The following PDE9A variants were observed in gnomAD, a reference collection of about 807,000 sequenced individuals.
PDE9A encodes the protein phosphodiesterase 9A, also known as high affinity cGMP-specific 3',5'-cyclic phosphodiesterase 9A.
A neutral mutation model predicts 87.4 loss-of-function variants in PDE9A; 60 were observed. The observed-to-expected ratio is 0.69, with a 90% CI of 0.56 to 0.85. PDE9A has a LOEUF of 0.85. PDE9A is among the 40% of genes least tolerant of loss of function. PDE9A has a pLI of 0.00. For missense variants in PDE9A, 665 were observed against 779.0 expected (o/e 0.85, Z 1.74); for synonymous variants, 272 against 279.4 (o/e 0.97, Z 0.27).
chr21:42,719,344 T>C (rs919392145), intron 4 of PDE9A, among the ~76,000 whole-genome samples: 1 of 151,706 alleles, frequency 6.6e-6, no homozygotes, highest in African/African-American at 2.4e-5. Context: ...AGAATATTAT[T>C]CCATTCTAGG....
intron 7 of PDE9A, among the ~76,000 whole-genome samples, chr21:42,742,497 A>C (rs2053413343): frequency 8.8e-6 from 1 of 113,926 alleles, no homozygotes; most frequent in African/African-American, 3.6e-5. Context: ...ACAGAGTCTC[A>C]CTCTGTCCCC....
chr21:42,683,528 G>C (rs1205003099), intron 1 of PDE9A, among the ~76,000 whole-genome samples: 3 of 152,176 alleles, frequency 2.0e-5, no homozygotes, highest in African/African-American at 7.2e-5. Context: ...CCAGGAGTAA[G>C]AAGCAGTCAA....
At chr21:42,666,713 C>T (rs1329022272) in intron 1 of PDE9A, among the ~76,000 whole-genome samples, 15 of 152,172 alleles carry the variant, frequency 9.9e-5, no homozygotes, top group Admixed American at 9.8e-4. Flanking sequence ...ACAAGGACAT[C>T]TCATTTTAAA....
chr21:42,749,572 C>T (rs897645337), intron 8 of PDE9A, among the ~76,000 whole-genome samples: 3 of 152,202 alleles, frequency 2.0e-5, no homozygotes, highest in Non-Finnish European at 4.4e-5. Context: ...TTGCCCTGCT[C>T]CTATGTGGGA....
chr21:42,658,220 G>A (rs1247696601), intron 1 of PDE9A, among the ~76,000 whole-genome samples: 1 of 152,206 alleles, frequency 6.6e-6, no homozygotes, highest in Non-Finnish European at 1.5e-5. Context: ...GGGCCCCAGA[G>A]CTGTGCCTTT....
At chr21:42,683,140 C>G (rs1414023286) in intron 1 of PDE9A, among the ~76,000 whole-genome samples, 1 of 152,218 alleles carries the variant, frequency 6.6e-6, no homozygotes, top group Admixed American at 6.5e-5. Flanking sequence ...GTTCCTCACT[C>G]ATTCCACTCA....
At chr21:42,763,735 C>G (rs2056067092) in intron 14 of PDE9A, among the ~76,000 whole-genome samples, 1 of 152,220 alleles carries the variant, frequency 6.6e-6, no homozygotes, top group Admixed American at 6.5e-5. Flanking sequence ...CCAGAGGCAG[C>G]AAGAAAGACT....
chr21:42,762,202 C>G lies in PDE9A; in HGVS notation c.1205C>G (p.Ser402Cys). The G allele has an allele frequency of 6.2e-7, 1 of 1,614,150 alleles. No homozygotes were observed. The highest frequency in any genetic ancestry group is 8.5e-7 in the Non-Finnish European group (1 of 1,179,998). The change falls in exon 14 of 20, where the codon TCC (serine) becomes TGC (cysteine). Residue 402 changes from serine (S) to cysteine (C), a missense_variant. Ser to Cys is a moderately radical substitution (Grantham distance 112, BLOSUM62 -1). Coordinates refer to ENST00000291539, the MANE Select transcript of PDE9A (RefSeq NM_002606.3). ...GCCGAGCCTGAGTGCAACATCTTCT[C>G]CAACATCCCACCTGATGGGTTCAAG... Reference protein sequence around the residue: ...ILAEPECNIFSNIPPDGFKQI... With the variant: ...ILAEPECNIFCNIPPDGFKQI...
chr21:42,665,879 T>C (rs1569106505), intron 1 of PDE9A, among the ~76,000 whole-genome samples: 2 of 152,130 alleles, frequency 1.3e-5, no homozygotes. Flanking sequence ...CCCGCGTGGC[T>C]CCACCGTCTA....
chr21:42,696,206 G>A lies in PDE9A; in HGVS notation c.219-2762G>A, dbSNP rs2060131813. Among the ~76,000 whole-genome samples, 1 of 152,116 alleles carries A rather than the reference G, an allele frequency of 6.6e-6. No homozygotes were observed. The highest frequency in any genetic ancestry group is 2.4e-5 in the African/African-American group (1 of 41,414). The stretch of plus-strand genomic sequence containing the variant: ...CTTGGTAAGCCTGTTTTTGTGTCAG[G>A]TCCCCAGGACACCTTCCTCTGAGTC... On this transcript the variant is annotated intron_variant, in intron 3 of 19. Coordinates refer to ENST00000291539, the MANE Select transcript of PDE9A (RefSeq NM_002606.3). This position sits in a 1 kb window ranked among gnomAD's most constrained non-coding sequence, Gnocchi z 5.1.
intron 1 of PDE9A, among the ~76,000 whole-genome samples, chr21:42,680,205 C>T (rs962157039): frequency 8.5e-5 from 13 of 152,262 alleles, no homozygotes; most frequent in Non-Finnish European, 1.8e-4. Context: ...GCACTAAACC[C>T]ATGCGACCCT....
intron 14 of PDE9A, among the ~76,000 whole-genome samples, chr21:42,764,637 C>A (rs1206041852): frequency 6.6e-6 from 1 of 152,242 alleles, no homozygotes; most frequent in Non-Finnish European, 1.5e-5. Context: ...CGTGGGGACA[C>A]ACCAGCATTG....
intron 3 of PDE9A, among the ~76,000 whole-genome samples, chr21:42,690,466 T>C (rs1307405326): frequency 6.6e-6 from 1 of 152,010 alleles, no homozygotes; most frequent in Non-Finnish European, 1.5e-5. Context: ...TCTATGATCG[T>C]GGGTGTGGAT....
At chr21:42,658,619 A>G (rs1014029977) in intron 1 of PDE9A, among the ~76,000 whole-genome samples, 9 of 152,000 alleles carry the variant, frequency 5.9e-5, no homozygotes, top group African/African-American at 1.9e-4. Context: ...TCTCTGCTCA[A>G]TTGTGCAGGG....
intron 17 of PDE9A, 35 bp from the exon 18 acceptor site, chr21:42,770,668 G>A (rs750604416): frequency 5.9e-6 from 9 of 1,530,746 alleles, no homozygotes; most frequent in East Asian, 2.3e-5. Context: ...CCTTAAGAAC[G>A]AGGGACTCTG....
At chr21:42,654,121 C>G (rs1376699069) in intron 1 of PDE9A, among the ~76,000 whole-genome samples, 1 of 152,074 alleles carries the variant, frequency 6.6e-6, no homozygotes, top group Non-Finnish European at 1.5e-5. Flanking sequence ...ACAGGCAGAG[C>G]TTTTCTTTTT....
intron 8 of PDE9A, 26 bp downstream of exon 8, chr21:42,743,886 C>T (rs200078009): frequency 4.9e-6 from 7 of 1,435,614 alleles, no homozygotes; most frequent in Admixed American, 1.9e-5. Flanking sequence ...GGGCCACGGG[C>T]GGCCGGGCCT....
At position 42,773,918 on chromosome 21, in the gene PDE9A, C is replaced by T. The variant is rs910177217; in HGVS notation, c.1769-1362C>T. Among the ~76,000 whole-genome samples, 6 of 151,040 alleles carry T rather than the reference C, an allele frequency of 4.0e-5. No homozygotes were observed. The East Asian group carries it at 7.8e-4, about 20-fold the overall frequency. On this transcript the variant is annotated intron_variant, in intron 19 of 19. Transcript: ENST00000291539. ...AGGAGATCGAGACCATCCTGGCTAA[C>T]ACGGTGAAACCCTTCTCTACTAAAA...
intron 4 of PDE9A, among the ~76,000 whole-genome samples, chr21:42,716,459 T>TATTTTGCA (rs2049926992): frequency 6.6e-6 from 1 of 151,772 alleles, no homozygotes; most frequent in Non-Finnish European, 1.5e-5. Flanking sequence ...CTTCTTGTTT[T>TATTTTGCA]ATTTTGCAAT....
Sources: gnomAD v4.1 joint callset for allele counts (sites outside exome capture counted in the v4.1 genomes callset) on GRCh38, gnomAD v4.1.1 for gene constraint, Gnocchi (gnomAD v3.1) non-coding constraint, MANE v1.5 for transcripts, NCBI Gene and HGNC (gene_info 2026-07-23, HGNC 2026-07-21) for gene names.